CDIN1: variants seen among roughly 807,000 people sequenced by gnomAD.
The protein encoded by CDIN1 is CDAN1 interacting nuclease 1.
Under a neutral mutation model 45.3 loss-of-function variants are expected in CDIN1, and 33 were observed. The observed-to-expected ratio is 0.73, with a 90% confidence interval of 0.55 to 0.97. The LOEUF is 0.97. Ranked by LOEUF, CDIN1 falls within the 50% of genes least tolerant of loss-of-function variation. The pLI is 0.00. For synonymous variants in CDIN1, 118 were observed against 124.4 expected, an observed-to-expected ratio of 0.95 and a Z score of 0.34; for missense variants, 303 against 339.4, an observed-to-expected ratio of 0.89 and a Z score of 0.84.
intron 3 of CDIN1, among the ~76,000 whole-genome samples, chr15:36,651,679 G>A (rs1353173975): frequency 6.6e-6 from 1 of 152,094 alleles, no homozygotes; most frequent in Non-Finnish European, 1.5e-5. Context: ...AGGGATCAGG[G>A]TTCTATTTCA....
intron 8 of CDIN1, chr15:36,708,166 G>T (rs2042934761): frequency 1.3e-5 from 2 of 152,166 alleles, no homozygotes; most frequent in Admixed American, 1.3e-4. Flanking sequence ...CTGACAAATG[G>T]ATTGGAAATA....
intron 1 of CDIN1, among the ~76,000 whole-genome samples, chr15:36,583,433 A>G (rs1566809860): frequency 2.6e-5 from 4 of 152,150 alleles, no homozygotes; most frequent in Admixed American, 2.6e-4. Flanking sequence ...TGTTTTTTCA[A>G]GTCACTGTGT....
At chr15:36,681,992 T>C (rs898712721) in intron 5 of CDIN1, among the ~76,000 whole-genome samples, 22 of 152,084 alleles carry the variant, frequency 1.4e-4, no homozygotes, top group Admixed American at 1.2e-3. Flanking sequence ...GTTGATAAAT[T>C]TAAATAAACG....
intron 1 of CDIN1, among the ~76,000 whole-genome samples, chr15:36,598,929 A>G (rs1011900145): frequency 1.3e-5 from 2 of 151,868 alleles, no homozygotes; most frequent in Non-Finnish European, 2.9e-5. Context: ...TAATTGTGAG[A>G]TCCTTTGGAT....
At chr15:36,655,122 G>A (rs2040727478) in intron 4 of CDIN1, among the ~76,000 whole-genome samples, 1 of 152,152 alleles carries the variant, frequency 6.6e-6, no homozygotes, top group Non-Finnish European at 1.5e-5. Flanking sequence ...CACAGCTTCT[G>A]TCTGCTGCTA....
At chr15:36,779,405 G>A (rs1310016907) in intron 10 of CDIN1, among the ~76,000 whole-genome samples, 2 of 151,860 alleles carry the variant, frequency 1.3e-5, no homozygotes, top group South Asian at 2.1e-4. Flanking sequence ...TTCAAATCTC[G>A]CTCCCTACAG....
At chr15:36,607,065 C>T (rs987610500) in intron 1 of CDIN1, among the ~76,000 whole-genome samples, 2 of 152,114 alleles carry the variant, frequency 1.3e-5, no homozygotes, top group Non-Finnish European at 2.9e-5. Context: ...TTTTCTTGGT[C>T]CCTACGTTTG....
At chr15:36,755,365 C>T (rs1364379244) in intron 10 of CDIN1, among the ~76,000 whole-genome samples, 1 of 152,106 alleles carries the variant, frequency 6.6e-6, no homozygotes, top group Non-Finnish European at 1.5e-5. Context: ...AGCAATTAAT[C>T]TCATTTTAGT....
At chr15:36,756,615 T>C (rs556898882) in intron 10 of CDIN1, among the ~76,000 whole-genome samples, 12 of 152,296 alleles carry the variant, frequency 7.9e-5, no homozygotes, top group African/African-American at 2.6e-4. Flanking sequence ...AAATAAAATA[T>C]AGCATCATAT....
chr15:36,663,107 A>C (rs949060237), intron 5 of CDIN1, among the ~76,000 whole-genome samples: 6 of 152,098 alleles, frequency 3.9e-5, no homozygotes, highest in Non-Finnish European at 5.9e-5. Flanking sequence ...AATTAGAGGA[A>C]GCCTCATGGA....
intron 1 of CDIN1, among the ~76,000 whole-genome samples, chr15:36,598,732 C>A (rs937079365): frequency 1.3e-5 from 2 of 152,058 alleles, no homozygotes; most frequent in African/African-American, 4.8e-5. Flanking sequence ...CCACCCTCTC[C>A]TTTTCTGCCC....
At chr15:36,761,753 T>A (rs1869262) in intron 10 of CDIN1, among the ~76,000 whole-genome samples, 11 of 152,008 alleles carry the variant, frequency 7.2e-5, no homozygotes, top group African/African-American at 1.9e-4. Context: ...TACTTCTTGC[T>A]CCAGGAAAAA....
intron 10 of CDIN1, among the ~76,000 whole-genome samples, chr15:36,767,233 T>C (rs2053950744): frequency 6.6e-6 from 1 of 152,172 alleles, no homozygotes; most frequent in Admixed American, 6.5e-5. Flanking sequence ...TTGGGAAAGT[T>C]TCCTTCCAAA....
At chr15:36,695,596 C>T (rs2042394249) in intron 7 of CDIN1, among the ~76,000 whole-genome samples, 1 of 152,124 alleles carries the variant, frequency 6.6e-6, no homozygotes, top group Non-Finnish European at 1.5e-5. Context: ...CCTGTAATTT[C>T]AGCACTTTGG....
At chr15:36,725,787 GA>G (rs1360814439) in intron 10 of CDIN1, among the ~76,000 whole-genome samples, 1 of 152,042 alleles carries the variant, frequency 6.6e-6, no homozygotes, top group African/African-American at 2.4e-5. Context: ...GTGGCATGGA[GA>G]GGGGAAGAAA....
intron 10 of CDIN1, among the ~76,000 whole-genome samples, chr15:36,767,978 G>A (rs1377292550): frequency 2.6e-5 from 4 of 152,146 alleles, no homozygotes; most frequent in Admixed American, 1.3e-4. Flanking sequence ...AACCACCTAA[G>A]GAAGAGAGGG....
At chr15:36,663,156 C>T in intron 5 of CDIN1, among the ~76,000 whole-genome samples, 1 of 151,982 alleles carries the variant, frequency 6.6e-6, no homozygotes, top group South Asian at 2.1e-4. Context: ...ACAGAGAACT[C>T]TATGAACAAA....
chr15:36,618,754 A>T, intron 1 of CDIN1: 1 of 752,874 alleles, frequency 1.3e-6, no homozygotes, highest in East Asian at 2.5e-5. Flanking sequence ...ATTAAGCACA[A>T]CTCAGCCAAA....
chr15:36,761,703 GACAGCGAGGCATCTTCTA>G (rs2053767651), intron 10 of CDIN1, among the ~76,000 whole-genome samples: 1 of 152,188 alleles, frequency 6.6e-6, no homozygotes, highest in Admixed American at 6.5e-5. Context: ...CTTTCATGCA[GACAGCGAGGCATCTTCTA>G]ATGCCAGTTG....
Sources: gnomAD v4.1 joint callset for allele counts (sites outside exome capture counted in the v4.1 genomes callset) on GRCh38, gnomAD v4.1.1 for gene constraint, MANE v1.5 for transcripts, NCBI Gene and HGNC (gene_info 2026-07-23, HGNC 2026-07-21) for gene names.